The following VDAC1 variants were observed in gnomAD, a reference collection of about 807,000 sequenced individuals.
The protein encoded by VDAC1 is non-selective voltage-gated ion channel VDAC1.
VDAC1 carries 10 observed loss-of-function variants against 34.7 expected under a neutral mutation model. The ratio of observed to expected loss-of-function variants is 0.29; its 90% CI spans 0.18 to 0.49. The LOEUF (loss-of-function observed/expected upper bound fraction) is 0.49. Ranked by LOEUF, VDAC1 falls within the 20% of genes least tolerant of loss-of-function variation. The pLI is 0.99. For synonymous variants in VDAC1, 130 were observed against 136.0 expected (o/e 0.96, Z 0.30); for missense variants, 230 against 347.9 (o/e 0.66, Z 2.69).
At chr5:134,084,595 C>T in the VDAC1 span, among the ~76,000 whole-genome samples, 1 of 152,250 alleles carries the variant, frequency 6.6e-6, no homozygotes, top group Non-Finnish European at 1.5e-5. Flanking sequence ...CTACCTCCAG[C>T]CTGCTGTGGT....
At chr5:134,113,566 A>G in the VDAC1 span, among the ~76,000 whole-genome samples, 1 of 152,224 alleles carries the variant, frequency 6.6e-6, no homozygotes, top group South Asian at 2.1e-4. Flanking sequence ...CTCTCAGAAG[A>G]GGCGTGAGCG....
At chr5:134,102,880 G>A in the VDAC1 span, among the ~76,000 whole-genome samples, 3 of 151,984 alleles carry the variant, frequency 2.0e-5, no homozygotes, top group African/African-American at 7.3e-5. Context: ...AGGTCCTAGT[G>A]TTCTCCTGAG....
At chr5:134,031,217 ACCT>A in the VDAC1 span, among the ~76,000 whole-genome samples, 3 of 151,834 alleles carry the variant, frequency 2.0e-5, no homozygotes, top group African/African-American at 7.3e-5. Context: ...AACATTGAAG[ACCT>A]CCTGGTTTTA....
At chr5:134,068,105 G>A in the VDAC1 span, among the ~76,000 whole-genome samples, 3 of 151,788 alleles carry the variant, frequency 2.0e-5, no homozygotes, top group Admixed American at 2.0e-4. Flanking sequence ...GCGACAGAGG[G>A]AGACTACATC....
the VDAC1 span, among the ~76,000 whole-genome samples, chr5:134,074,370 C>T: frequency 1.3e-5 from 2 of 151,654 alleles, no homozygotes; most frequent in Non-Finnish European, 2.9e-5. Flanking sequence ...TTTGAAATGA[C>T]ATCTACTTTG....
chr5:134,025,252 G>A, the VDAC1 span, among the ~76,000 whole-genome samples: 6 of 152,200 alleles, frequency 3.9e-5, no homozygotes, highest in Non-Finnish European at 5.9e-5. Context: ...GTCACATGGC[G>A]AAAGAGGGAG....
intron 7 of VDAC1, 54 bp downstream of exon 7, chr5:133,975,817 A>G: frequency 6.2e-7 from 1 of 1,600,800 alleles, no homozygotes; most frequent in Non-Finnish European, 8.5e-7. Context: ...AAGGATTCCA[A>G]CATAAAGAGC....
chr5:134,085,725 A>AAAAAAAAAAAAAAAAC, the VDAC1 span, among the ~76,000 whole-genome samples: 1 of 100,512 alleles, frequency 9.9e-6, no homozygotes, highest in Non-Finnish European at 2.3e-5. Context: ...CCATTTCTAA[A>AAAAAAAAAAAAAAAAC]AAAAAAAAAA....
At chr5:134,029,357 T>C in the VDAC1 span, among the ~76,000 whole-genome samples, 1 of 152,238 alleles carries the variant, frequency 6.6e-6, no homozygotes, top group Admixed American at 6.5e-5. Context: ...TTTAAGCCAC[T>C]GCACTTTGGG....
At chr5:134,005,117 G>A (rs1170419324), upstream of VDAC1, 2 of 152,214 alleles carry the variant, frequency 1.3e-5, no homozygotes, top group Admixed American at 6.5e-5. Flanking sequence ...CTGTGGCCCG[G>A]AGGTCCCTGC....
chr5:133,997,707 CAAAAAAA>C (rs67591375), intron 1 of VDAC1, among the ~76,000 whole-genome samples: 16 of 58,372 alleles, frequency 2.7e-4, no homozygotes, highest in African/African-American at 9.6e-4. Context: ...GACTGTCTCA[CAAAAAAA>C]AAAAAAAAAA....
chr5:134,095,200 G>A, the VDAC1 span, among the ~76,000 whole-genome samples: 1 of 152,274 alleles, frequency 6.6e-6, no homozygotes, highest in African/African-American at 2.4e-5. Flanking sequence ...TCCAAGAGGA[G>A]GCTGGGCACA....
In VDAC1 at chr5:134,003,186, C is replaced by T. The variant is rs1159768235; in HGVS notation, c.-7+1709G>A. On this transcript the variant is annotated intron_variant, in intron 1 of 8. Transcript: ENST00000265333. Reference sequence around the variant, plus strand: ...TACTGTGTGCCAGGCAGCACCACCCCAGGCACTGAAGACAAAGTAGCACAG... The same window carrying T: ...TACTGTGTGCCAGGCAGCACCACCCTAGGCACTGAAGACAAAGTAGCACAG... Among the ~76,000 whole-genome samples the T allele has an allele frequency of 2.0e-5, 3 of 152,220 alleles. No homozygotes were observed. The East Asian group carries it at 5.8e-4, about 29-fold the overall frequency.
chr5:134,047,856 C>A, the VDAC1 span, among the ~76,000 whole-genome samples: 2 of 152,042 alleles, frequency 1.3e-5, no homozygotes, highest in Non-Finnish European at 2.9e-5. Flanking sequence ...CAGTGCCCTG[C>A]TTTTCACGAC....
chr5:133,990,078 T>C (rs1418241358), intron 5 of VDAC1, among the ~76,000 whole-genome samples: 6 of 152,210 alleles, frequency 3.9e-5, no homozygotes, highest in African/African-American at 1.4e-4. Flanking sequence ...CAAGGGTGTA[T>C]TCTAAAAGGG....
At chr5:134,076,680 G>A in the VDAC1 span, among the ~76,000 whole-genome samples, 1 of 152,234 alleles carries the variant, frequency 6.6e-6, no homozygotes, top group Non-Finnish European at 1.5e-5. Context: ...TCAAGACACG[G>A]CCCTCCTCCC....
At chr5:134,039,738 G>A in the VDAC1 span, among the ~76,000 whole-genome samples, 2 of 152,194 alleles carry the variant, frequency 1.3e-5, no homozygotes, top group Admixed American at 6.5e-5. Context: ...GCCAGAAGCT[G>A]ACCAAAGAAG....
chr5:134,050,367 G>T, the VDAC1 span, among the ~76,000 whole-genome samples: 1 of 152,162 alleles, frequency 6.6e-6, no homozygotes, highest in Non-Finnish European at 1.5e-5. Flanking sequence ...ATTTTCTAGT[G>T]GTTGTACAGT....
At chr5:134,058,046 G>A in the VDAC1 span, among the ~76,000 whole-genome samples, 35 of 151,868 alleles carry the variant, frequency 2.3e-4, no homozygotes, top group Admixed American at 6.6e-4. Flanking sequence ...ACAGGCACCC[G>A]CCACATGCCC....
Sources: gnomAD v4.1 joint callset for allele counts (sites outside exome capture counted in the v4.1 genomes callset) on GRCh38, gnomAD v4.1.1 for gene constraint, MANE v1.5 for transcripts, NCBI Gene and HGNC (gene_info 2026-07-23, HGNC 2026-07-21) for gene names.